The following LCORL variants were observed in gnomAD, a reference collection of about 807,000 sequenced individuals.
The protein encoded by LCORL is ligand dependent nuclear receptor corepressor like.
Under a neutral mutation model 141.8 loss-of-function variants are expected in LCORL, and 41 were observed. The ratio of observed to expected loss-of-function variants is 0.29; its 90% confidence interval spans 0.23 to 0.38. LCORL has a LOEUF of 0.38. Among genes scored for constraint, LCORL ranks in the 10% least tolerant of loss-of-function variants. LCORL has a pLI of 1.00. For missense variants in LCORL, 1,759 were observed against 2,035.0 expected (o/e 0.86, Z 2.61); for synonymous variants, 618 against 694.1 (o/e 0.89, Z 1.72).
chr4:17,911,480 G>C (rs1490392369), intron 4 of LCORL, among the ~76,000 whole-genome samples: 1 of 152,212 alleles, frequency 6.6e-6, no homozygotes, highest in African/African-American at 2.4e-5. Context: ...AGTGCAACAT[G>C]AGTTCTGCTA....
chr4:17,902,892 T>C (rs898245422), intron 5 of LCORL, among the ~76,000 whole-genome samples: 1 of 152,104 alleles, frequency 6.6e-6, no homozygotes, highest in African/African-American at 2.4e-5. Flanking sequence ...TACTCATCTC[T>C]TGCTAATTAA....
intron 2 of LCORL, among the ~76,000 whole-genome samples, chr4:17,965,640 A>T (rs910885413): frequency 1.3e-5 from 2 of 152,140 alleles, no homozygotes; most frequent in African/African-American, 4.8e-5. Context: ...CATTTTATCT[A>T]ATCCAGATTT....
rs113200350 is a variant in LCORL, at chr4:17,882,925, C to G, written c.776+3143G>C. ...ATTAGCTTATTTTTCAAATGAAAAACAAAACTAAATTATTTTAATAATTAA... is the reference window on the plus strand; with the variant it reads ...ATTAGCTTATTTTTCAAATGAAAAAGAAAACTAAATTATTTTAATAATTAA... On this transcript the variant is annotated intron_variant, in intron 6 of 7. Transcript: ENST00000635767. 3,699 of 936,244 alleles carry G rather than the reference C, an allele frequency of 4.0e-3. 136 individuals are homozygous for G. The African/African-American group carries it at 0.062, about 16-fold the overall frequency. The allele number at this position is 936,244 out of a possible 1,614,324, so 58.0% of individuals were successfully genotyped here.
At chr4:17,955,700 T>C (rs1221958194) in intron 4 of LCORL, among the ~76,000 whole-genome samples, 1 of 152,130 alleles carries the variant, frequency 6.6e-6, no homozygotes, top group Non-Finnish European at 1.5e-5. Flanking sequence ...GATGTTTTCC[T>C]CATCAAGTTC....
At chr4:17,979,632 G>A (rs1023628591) in intron 1 of LCORL, among the ~76,000 whole-genome samples, 8 of 151,982 alleles carry the variant, frequency 5.3e-5, no homozygotes, top group Non-Finnish European at 8.8e-5. Context: ...AGTCTGATGC[G>A]TCTTGCTCAT....
intron 4 of LCORL, among the ~76,000 whole-genome samples, chr4:17,946,097 G>A (rs1010620747): frequency 4.6e-5 from 7 of 151,960 alleles, no homozygotes; most frequent in Admixed American, 4.6e-4. Context: ...AACTGCATAT[G>A]TAAACATCAG....
chr4:17,907,726 AG>A (rs897652853), intron 5 of LCORL, among the ~76,000 whole-genome samples: 3 of 152,160 alleles, frequency 2.0e-5, no homozygotes, highest in African/African-American at 7.2e-5. Flanking sequence ...GGCTTTTTAA[AG>A]CTCATCAGCT....
At chr4:17,993,350 G>A (rs1050278712) in intron 1 of LCORL, among the ~76,000 whole-genome samples, 1 of 152,070 alleles carries the variant, frequency 6.6e-6, no homozygotes, top group Non-Finnish European at 1.5e-5. Flanking sequence ...TTACAGGCAT[G>A]TGCCACCACA....
At chr4:17,860,914 C>T (rs973952498) in intron 7 of LCORL, among the ~76,000 whole-genome samples, 1 of 152,190 alleles carries the variant, frequency 6.6e-6, no homozygotes, top group Non-Finnish European at 1.5e-5. Context: ...ATCCAGGTCA[C>T]GTTGATATAA....
At chr4:17,938,262 C>T (rs1345696178) in intron 4 of LCORL, among the ~76,000 whole-genome samples, 1 of 151,912 alleles carries the variant, frequency 6.6e-6, no homozygotes, top group Non-Finnish European at 1.5e-5. Context: ...CTGCCTGGGC[C>T]TCCCAAAGTG....
intron 7 of LCORL, among the ~76,000 whole-genome samples, chr4:17,861,677 T>C (rs1198458646): frequency 6.6e-6 from 1 of 152,174 alleles, no homozygotes; most frequent in Non-Finnish European, 1.5e-5. Flanking sequence ...AGGCTGCAAA[T>C]TTTCCGAACT....
chr4:17,918,601 C>G (rs1733815397), intron 4 of LCORL, among the ~76,000 whole-genome samples: 1 of 151,892 alleles, frequency 6.6e-6, no homozygotes, highest in Non-Finnish European at 1.5e-5. Context: ...GTAGATTTGA[C>G]CTGGCAGAAA....
At chr4:17,853,840 C>T (rs1724047601) in intron 7 of LCORL, among the ~76,000 whole-genome samples, 1 of 152,050 alleles carries the variant, frequency 6.6e-6, no homozygotes, top group South Asian at 2.1e-4. Flanking sequence ...ATGAAGGTCA[C>T]TTATCCTTTC....
intron 7 of LCORL, among the ~76,000 whole-genome samples, chr4:17,848,284 G>T (rs1453052182): frequency 1.3e-5 from 2 of 152,284 alleles, no homozygotes; most frequent in African/African-American, 4.8e-5. Context: ...AGAATTCTTA[G>T]AATACAGCTA....
At chr4:17,854,778 G>A (rs1360826101) in intron 7 of LCORL, among the ~76,000 whole-genome samples, 2 of 152,128 alleles carry the variant, frequency 1.3e-5, no homozygotes, top group African/African-American at 4.8e-5. Flanking sequence ...TTAAGTAGAA[G>A]ATTTTATAGA....
chr4:17,909,731 A>T (rs1386311497), intron 4 of LCORL, among the ~76,000 whole-genome samples: 2 of 152,110 alleles, frequency 1.3e-5, no homozygotes, highest in East Asian at 3.8e-4. Flanking sequence ...TTTTATCCTA[A>T]TATACAATGT....
At chr4:17,876,339 A>G (rs1726920107) in exon 7 of LCORL, 1 of 1,230,870 alleles carries the variant, frequency 8.1e-7, no homozygotes, top group South Asian at 4.1e-5. Flanking sequence ...CATTCTATTT[A>G]GAGTAAGAGT....
Position 18,021,486 on chromosome 4 carries a change from C to G in LCORL, c.154+112G>C. ...CCGCGCCGCTCCCATCTCGCTCCCC[C>G]ACCGAACTAACCCGAACGGGAGATT... On this transcript the variant is annotated intron_variant, in intron 1 of 7. Coordinates refer to ENST00000635767, the Ensembl canonical transcript of LCORL. The surrounding 1 kb of genome is among the most constrained non-coding windows in gnomAD (Gnocchi z 5.5). 1 of 921,744 alleles carries G rather than the reference C, an allele frequency of 1.1e-6. No homozygotes were observed. The highest frequency in any genetic ancestry group is 1.5e-6 in the Non-Finnish European group (1 of 652,548). 57.1% of individuals were successfully genotyped at this position (921,744 alleles called of 1,614,324 possible). A position where few individuals can be genotyped will look rare whatever the true frequency, so the allele number is the denominator to read the frequency against.
In LCORL at chr4:17,876,027, A is replaced by G. The variant is rs935461057; in HGVS notation, c.2963T>C (p.Val988Ala). 27 of 1,231,004 alleles carry G rather than the reference A, an allele frequency of 2.2e-5. No homozygotes were observed. In the African/African-American group the frequency reaches 3.9e-4, roughly 18 times the overall value. The allele number at this position is 1,231,004 out of a possible 1,614,324, so 76.3% of individuals were successfully genotyped here. A position where few individuals can be genotyped will look rare whatever the true frequency, so the allele number is the denominator to read the frequency against. ...TGTAGGTTTTTCAGAAGGGAGAACA[A>G]CATTTGAATGGGAAGTGCCAACTGA... The change falls in exon 7 of 8, where the codon GTT (valine) becomes GCT (alanine). Residue 988 changes from valine (V) to alanine (A), a missense_variant. Physicochemically the swap from Val to Ala is moderately conservative, Grantham distance 64. This residue lies in a region of LCORL where 1,311 missense variants were observed against 1,531.3 expected (regional missense o/e 0.86). Coordinates refer to ENST00000635767, the Ensembl canonical transcript of LCORL.
Sources: allele counts gnomAD v4.1 joint callset (sites outside exome capture counted in the v4.1 genomes callset), GRCh38; gene constraint gnomAD v4.1.1; regional missense constraint gnomAD v4.1.1; non-coding constraint Gnocchi (gnomAD v3.1); transcripts MANE v1.5; gene names NCBI Gene and HGNC (gene_info 2026-07-23, HGNC 2026-07-21).